Variants in FSHR observed in about 807,000 individuals in gnomAD.
The protein encoded by FSHR is follicle stimulating hormone receptor.
FSHR carries 46 observed loss-of-function variants against 52.1 expected under a neutral mutation model. The ratio of observed to expected loss-of-function variants is 0.88; its 90% CI spans 0.70 to 1.13. The LOEUF (loss-of-function observed/expected upper bound fraction) is 1.13, where lower values mean the gene tolerates loss of function less well. Ranked by LOEUF, FSHR falls within the 50% of genes most tolerant of loss-of-function variation. FSHR has a pLI of 0.00. For synonymous variants in FSHR, 399 were observed against 309.6 expected (o/e 1.29, Z -3.03); for missense variants, 964 against 834.6 (o/e 1.16, Z -1.91).
chr2:49,056,730 C>A (rs1286426384), intron 2 of FSHR, among the ~76,000 whole-genome samples: 4 of 151,864 alleles, frequency 2.6e-5, no homozygotes, highest in Non-Finnish European at 5.9e-5. Context: ...AAATGAAATA[C>A]TTTTCAGAAT....
chr2:48,974,091 G>A (rs1023888798), intron 8 of FSHR, among the ~76,000 whole-genome samples: 1 of 152,234 alleles, frequency 6.6e-6, no homozygotes, highest in African/African-American at 2.4e-5. Flanking sequence ...AAGGGGAGAT[G>A]AATGAAAGGC....
At chr2:48,983,254 A>T in intron 6 of FSHR, 88 bp from the exon 7 acceptor site, 1 of 1,223,060 alleles carries the variant, frequency 8.2e-7, no homozygotes, top group Non-Finnish European at 1.2e-6. Context: ...GCAAGGGCAG[A>T]CAGCACAGGT....
chr2:49,003,863 A>C (rs1666991283), intron 4 of FSHR, among the ~76,000 whole-genome samples: 1 of 135,112 alleles, frequency 7.4e-6, no homozygotes, highest in African/African-American at 2.8e-5. Context: ...CTTGCTGCCC[A>C]CTGCCCTGCC....
intron 4 of FSHR, among the ~76,000 whole-genome samples, chr2:48,999,942 A>G (rs914159476): frequency 1.3e-5 from 2 of 152,118 alleles, no homozygotes; most frequent in African/African-American, 4.8e-5. Flanking sequence ...ACCTTCTTTT[A>G]CTGTAGACTA....
chr2:48,983,022 C>G, intron 7 of FSHR, 36 bp from the exon 8 acceptor site: 1 of 1,610,052 alleles, frequency 6.2e-7, no homozygotes, highest in Non-Finnish European at 8.5e-7. Context: ...AAGGAAAACA[C>G]AAAGCCACAT....
intron 8 of FSHR, among the ~76,000 whole-genome samples, chr2:48,970,128 T>A (rs561903577): frequency 2.6e-5 from 4 of 152,342 alleles, no homozygotes; most frequent in Admixed American, 2.0e-4. Context: ...CTACCCCATA[T>A]GTTCTCACAA....
chr2:49,000,910 C>A (rs936303831), intron 4 of FSHR, among the ~76,000 whole-genome samples: 2 of 152,020 alleles, frequency 1.3e-5, no homozygotes, highest in African/African-American at 2.4e-5. Flanking sequence ...GAACTGGTTA[C>A]AGAGGTCACA....
chr2:49,068,180 C>G, intron 2 of FSHR, 39 bp downstream of exon 2: 7 of 1,521,058 alleles, frequency 4.6e-6, no homozygotes, highest in Non-Finnish European at 6.4e-6. Context: ...CCCTATAGCC[C>G]CCTTGAGGCA....
intron 1 of FSHR, among the ~76,000 whole-genome samples, chr2:49,082,459 G>A (rs1274547584): frequency 4.6e-5 from 7 of 152,316 alleles, no homozygotes; most frequent in South Asian, 2.1e-4. Flanking sequence ...CCAAAGGAAC[G>A]CAGTTCCTCA....
intron 8 of FSHR, among the ~76,000 whole-genome samples, chr2:48,973,266 A>ACACACACGCACACG (rs146365090): frequency 0.22 from 33,212 of 150,794 alleles, 5,198 homozygotes; most frequent in African/African-American, 0.44. Context: ...ACACACACAC[A>ACACACACGCACACG]CACATGCACA....
At chr2:49,032,292 G>C (rs1174455229) in intron 2 of FSHR, among the ~76,000 whole-genome samples, 1 of 152,270 alleles carries the variant, frequency 6.6e-6, no homozygotes, top group East Asian at 1.9e-4. Flanking sequence ...CTGCACTTCT[G>C]TTTGTAGGCC....
chr2:49,034,142 G>C lies in FSHR; in HGVS notation c.225-13982C>G, dbSNP rs530412898. Reference sequence around the variant, plus strand: ...GGGCTCAAATGTTTAATATCTGTAGGAGAACTTACAGTGATTGACTTTCTG... The same window carrying C: ...GGGCTCAAATGTTTAATATCTGTAGCAGAACTTACAGTGATTGACTTTCTG... On this transcript the variant is annotated intron_variant, in intron 2 of 9. Transcript: ENST00000406846. 3.3e-5 allele frequency among the ~76,000 whole-genome samples: 5 copies of C among 152,278 alleles called. No homozygotes were observed. In the South Asian group the frequency reaches 1.0e-3, roughly 32 times the overall value.
intron 1 of FSHR, among the ~76,000 whole-genome samples, chr2:49,124,590 A>C (rs1309806855): frequency 1.3e-5 from 2 of 151,986 alleles, no homozygotes; most frequent in Non-Finnish European, 2.9e-5. Context: ...CCCTATAACA[A>C]TTTTGACACT....
chr2:49,083,340 A>C (rs1670249227), intron 1 of FSHR, among the ~76,000 whole-genome samples: 1 of 151,206 alleles, frequency 6.6e-6, no homozygotes, highest in Non-Finnish European at 1.5e-5. Flanking sequence ...GAGCTCCTGA[A>C]GGAAGCGCTA....
chr2:49,046,708 C>T (rs369496775), intron 2 of FSHR, among the ~76,000 whole-genome samples: 67 of 152,268 alleles, frequency 4.4e-4, no homozygotes, highest in African/African-American at 1.6e-3. Flanking sequence ...AAATCATGTC[C>T]TCATCTAATT....
intron 1 of FSHR, among the ~76,000 whole-genome samples, chr2:49,130,015 T>A (rs1464378993): frequency 6.6e-6 from 1 of 152,230 alleles, no homozygotes; most frequent in Non-Finnish European, 1.5e-5. Flanking sequence ...TGCTATGTTA[T>A]AAACTCTCTT....
At chr2:49,086,153 C>A (rs2103674253) in intron 1 of FSHR, among the ~76,000 whole-genome samples, 1 of 152,204 alleles carries the variant, frequency 6.6e-6, no homozygotes, top group South Asian at 2.1e-4. Context: ...TATGGGAGAG[C>A]AGTTGTTATA....
rs879461654 is a variant in FSHR at position 49,010,637 on chromosome 2, G to A, written c.374+6852C>T. 5.9e-3 allele frequency among the ~76,000 whole-genome samples: 883 copies of A among 150,354 alleles called. 6 individuals are homozygous for A. Among genetic ancestry groups the A allele is most frequent in the Non-Finnish European group, 9.7e-3 (653 of 67,490 alleles). On this transcript the variant is annotated intron_variant, in intron 4 of 9. Coordinates refer to ENST00000406846, the MANE Select transcript of FSHR (RefSeq NM_000145.4). ...CCTCCTTGTACCTCTGGTAGAATTC[G>A]GCTGTGAATCCATCTGGTCCTGGAC...
At chr2:48,997,369 T>C in intron 4 of FSHR, 1 of 985,114 alleles carries the variant, frequency 1.0e-6, no homozygotes, top group Non-Finnish European at 1.2e-6. Flanking sequence ...TCAGGGGAAA[T>C]TTAAGGAGCT....
Sources: allele counts gnomAD v4.1 joint callset (sites outside exome capture counted in the v4.1 genomes callset), GRCh38; gene constraint gnomAD v4.1.1; transcripts MANE v1.5; gene names NCBI Gene and HGNC (gene_info 2026-07-23, HGNC 2026-07-21).